Variants in GRM7 observed in about 807,000 individuals in gnomAD.
GRM7 encodes the protein glutamate metabotropic receptor 7, also known as metabotropic glutamate receptor 7.
In GRM7, 35 loss-of-function variants were observed where a neutral mutation model predicts 84.5. That is an observed-to-expected ratio of 0.41 (90% CI 0.32 to 0.55). The LOEUF is 0.55. Ranked by LOEUF, GRM7 falls within the 20% of genes least tolerant of loss-of-function variation. The pLI is 0.19. For synonymous variants in GRM7, 487 were observed against 455.1 expected (o/e 1.07, Z -0.89); for missense variants, 1,003 against 1,194.6 (o/e 0.84, Z 2.36).
intron 4 of GRM7, among the ~76,000 whole-genome samples, chr3:7,329,771 T>C (rs1023796899): frequency 2.0e-5 from 3 of 152,204 alleles, no homozygotes; most frequent in African/African-American, 7.2e-5. Context: ...CTTATGTTCA[T>C]ATATCTGTGA....
chr3:6,867,567 G>A (rs1456992817), intron 1 of GRM7, among the ~76,000 whole-genome samples: 3 of 152,078 alleles, frequency 2.0e-5, no homozygotes, highest in Non-Finnish European at 4.4e-5. Context: ...GGAATACAAA[G>A]TACATTAAAC....
intron 2 of GRM7, among the ~76,000 whole-genome samples, chr3:7,167,174 T>C (rs1231317363): frequency 1.3e-5 from 2 of 152,244 alleles, no homozygotes; most frequent in African/African-American, 2.4e-5. Context: ...GCAAAAATAC[T>C]GTGGCAGCTT....
At chr3:7,198,168 A>AG (rs75139717) in intron 2 of GRM7, among the ~76,000 whole-genome samples, 8,199 of 151,176 alleles carry the variant, frequency 0.054, 627 homozygotes, top group African/African-American at 0.18. Context: ...AAAAAAAAAA[A>AG]AGAGAGAGAT....
chr3:7,073,650 T>C (rs544668256), intron 1 of GRM7, among the ~76,000 whole-genome samples: 6 of 152,150 alleles, frequency 3.9e-5, no homozygotes, highest in Admixed American at 3.9e-4. Flanking sequence ...TGTCGATGAG[T>C]ACTGCTGATA....
rs1302400492 is a variant in GRM7 at position 6,861,928 on chromosome 3, G to C, written c.519+21G>C. On this transcript the variant is annotated intron_variant, in intron 1 of 9. Coordinates refer to ENST00000357716, the MANE Select transcript of GRM7 (RefSeq NM_000844.4). This position sits in a 1 kb window ranked among gnomAD's most constrained non-coding sequence, Gnocchi z 6.4. ...TCCAGGTAGGGATGCGCTCCCTCCG[G>C]GGCGGAGCACACAGTGGCTACCTGC... The C allele has an allele frequency of 1.3e-6, 2 of 1,588,972 alleles. No individual in the cohort carries two copies. The highest frequency in any genetic ancestry group is 2.7e-5 in the African/African-American group (2 of 74,446).
intron 2 of GRM7, among the ~76,000 whole-genome samples, chr3:7,288,065 T>A (rs1303116865): frequency 6.6e-6 from 1 of 152,152 alleles, no homozygotes; most frequent in Non-Finnish European, 1.5e-5. Context: ...AAAGTTAAAT[T>A]CTGTGTATTT....
chr3:6,973,557 CA>C (rs1437231764), intron 1 of GRM7, among the ~76,000 whole-genome samples: 1 of 152,000 alleles, frequency 6.6e-6, no homozygotes, highest in East Asian at 1.9e-4. Context: ...TGGGAAGAAA[CA>C]AAGCAAGAGA....
In GRM7 at chr3:7,110,066, A is replaced by C. The variant is rs1453887356; in HGVS notation, c.520-36386A>C. ...AATTTAAAAAATATACATAACATGA[A>C]ATTTTGCCTCAAAATACAATTTCAT... On this transcript the variant is annotated intron_variant, in intron 1 of 9. Transcript: ENST00000357716. Among the ~76,000 whole-genome samples, 6 of 152,268 alleles carry C rather than the reference A, an allele frequency of 3.9e-5. No homozygotes were observed. The East Asian group carries it at 1.2e-3, about 29-fold the overall frequency.
rs561587928 is a variant in GRM7, at chr3:7,132,843, ATTG to A, written c.520-13606_520-13604del. The stretch of plus-strand genomic sequence containing the variant: ...ATAGCATTTCTGTTAAGTGCACTTT[ATTG>A]TTCACTAACTTGTTGAAAACTGGAA... On this transcript the variant is annotated intron_variant, in intron 1 of 9. Coordinates refer to ENST00000357716, the MANE Select transcript of GRM7 (RefSeq NM_000844.4). 1.6e-3 allele frequency among the ~76,000 whole-genome samples: 240 copies of A among 152,294 alleles called. 1 individual carries two copies. Among genetic ancestry groups the A allele is most frequent in the Non-Finnish European group, 3.0e-3 (205 of 68,014 alleles).
chr3:7,656,547 GCACACACACACACACA>G lies in GRM7; in HGVS notation c.2452-23487_2452-23472del, dbSNP rs36040422. Reference sequence around the variant, plus strand: ...AATATATATATATATATACGCGCGCGCACACACACACACACACACACACACACACAAAGTGTGCTGT... The same window carrying G: ...AATATATATATATATATACGCGCGCGCACACACACACACAAAGTGTGCTGT... On this transcript the variant is annotated intron_variant, in intron 8 of 9. Transcript: ENST00000357716. Among the ~76,000 whole-genome samples the G allele has an allele frequency of 2.7e-3, 375 of 139,300 alleles. 4 individuals are homozygous for G. Among genetic ancestry groups the G allele is most frequent in the African/African-American group, 0.01 (358 of 34,810 alleles). The allele number at this position is 139,300 out of a possible 152,430, so 91.4% of individuals were successfully genotyped here.
chr3:7,473,096 C>G (rs758873605), intron 7 of GRM7, among the ~76,000 whole-genome samples: 4 of 152,102 alleles, frequency 2.6e-5, no homozygotes, highest in Non-Finnish European at 5.9e-5. Context: ...TTTGGACTTT[C>G]GATTGCTGAC....
intron 4 of GRM7, among the ~76,000 whole-genome samples, chr3:7,351,338 C>CAAAAAAA (rs1559258100): frequency 4.8e-5 from 2 of 41,374 alleles, no homozygotes; most frequent in African/African-American, 1.7e-4. Flanking sequence ...TTCCCACAGG[C>CAAAAAAA]GAAAAAAAAA....
intron 3 of GRM7, among the ~76,000 whole-genome samples, chr3:7,299,680 C>G (rs560779922): frequency 1.3e-5 from 2 of 152,168 alleles, no homozygotes; most frequent in African/African-American, 4.8e-5. Flanking sequence ...TGTGTGCATT[C>G]CTGTTCAGCA....
At chr3:7,247,227 C>T (rs1236987294) in intron 2 of GRM7, among the ~76,000 whole-genome samples, 5 of 152,024 alleles carry the variant, frequency 3.3e-5, no homozygotes, top group Non-Finnish European at 7.4e-5. Context: ...ATATTCATGA[C>T]TTTGGGTGAG....
At chr3:6,942,889 G>T (rs1447473182) in intron 1 of GRM7, among the ~76,000 whole-genome samples, 3 of 152,000 alleles carry the variant, frequency 2.0e-5, no homozygotes, top group Non-Finnish European at 4.4e-5. Flanking sequence ...AAACTGTGTC[G>T]GCAATCTGTT....
At chr3:7,327,446 A>G (rs1382898784) in intron 4 of GRM7, among the ~76,000 whole-genome samples, 2 of 152,200 alleles carry the variant, frequency 1.3e-5, no homozygotes, top group Non-Finnish European at 2.9e-5. Context: ...AAATTCTATT[A>G]TGTAATCCAA....
intron 1 of GRM7, among the ~76,000 whole-genome samples, chr3:6,904,457 T>G (rs1399221544): frequency 1.3e-5 from 2 of 152,172 alleles, no homozygotes; most frequent in Non-Finnish European, 2.9e-5. Context: ...CTCATAGGAT[T>G]TCTTTGTGAA....
At chr3:7,407,426 T>A (rs944384449) in intron 4 of GRM7, among the ~76,000 whole-genome samples, 23 of 152,330 alleles carry the variant, frequency 1.5e-4, no homozygotes, top group African/African-American at 5.3e-4. Flanking sequence ...AGGAAAATGA[T>A]AAGAGGCTTT....
In GRM7 at chr3:7,146,503, C is replaced by A; in HGVS notation, c.571C>A (p.Arg191Ser). The A allele has an allele frequency of 6.2e-7, 1 of 1,613,906 alleles. No individual in the cohort carries two copies. Among genetic ancestry groups the A allele is most frequent in the Non-Finnish European group, 8.5e-7 (1 of 1,179,952 alleles). The change falls in exon 2 of 10, where the codon CGC becomes AGC. Residue 191 changes from arginine to serine, a missense_variant. This residue lies in a region of GRM7 where 910 missense variants were observed against 1,126.0 expected (regional missense o/e 0.81). Coordinates refer to ENST00000357716, the MANE Select transcript of GRM7 (RefSeq NM_000844.4). ...GGCACCCGAGCTAAGTGATGACCGGCGCTATGACTTCTTCTCTCGCGTGGT... is the reference window on the plus strand; with the variant it reads ...GGCACCCGAGCTAAGTGATGACCGGAGCTATGACTTCTTCTCTCGCGTGGT... ...STAPELSDDRRYDFFSRVVPP... is the reference protein window; with the variant it reads ...STAPELSDDRSYDFFSRVVPP...
Sources: allele counts gnomAD v4.1 joint callset (sites outside exome capture counted in the v4.1 genomes callset), GRCh38; gene constraint gnomAD v4.1.1; regional missense constraint gnomAD v4.1.1; non-coding constraint Gnocchi (gnomAD v3.1); transcripts MANE v1.5; gene names NCBI Gene and HGNC (gene_info 2026-07-23, HGNC 2026-07-21).